KIAA1328: variants seen among roughly 807,000 people sequenced by gnomAD.
KIAA1328 encodes the protein protein hinderin.
Under a neutral mutation model 68.1 loss-of-function variants are expected in KIAA1328, and 52 were observed. The ratio of observed to expected loss-of-function variants is 0.76; its 90% confidence interval spans 0.61 to 0.96. The LOEUF (loss-of-function observed/expected upper bound fraction) is 0.96, where lower values mean the gene tolerates loss of function less well. KIAA1328 is among the 40% of genes least tolerant of loss of function. The pLI is 0.00. For synonymous variants in KIAA1328, 232 were observed against 239.4 expected (o/e 0.97, Z 0.28); for missense variants, 641 against 677.6 (o/e 0.95, Z 0.60).
intron 1 of KIAA1328, among the ~76,000 whole-genome samples, chr18:36,833,893 T>G (rs150319136): frequency 6.6e-6 from 1 of 152,302 alleles, no homozygotes; most frequent in African/African-American, 2.4e-5. Flanking sequence ...AAAGCTAAAG[T>G]CTATCTTGAA....
At chr18:37,029,589 T>C (rs766892591) in intron 6 of KIAA1328, among the ~76,000 whole-genome samples, 4 of 152,102 alleles carry the variant, frequency 2.6e-5, no homozygotes, top group Non-Finnish European at 4.4e-5. Context: ...CGTGTCAAGT[T>C]TTTTGAGAAT....
chr18:37,227,658 A>G (rs995649443), downstream of KIAA1328, among the ~76,000 whole-genome samples: 1 of 152,224 alleles, frequency 6.6e-6, no homozygotes, highest in Non-Finnish European at 1.5e-5. Context: ...CTGCTCAGAG[A>G]AAAAGATTTC....
intron 4 of KIAA1328, among the ~76,000 whole-genome samples, chr18:36,857,022 C>G (rs1188845256): frequency 6.6e-6 from 1 of 152,168 alleles, no homozygotes; most frequent in Non-Finnish European, 1.5e-5. Flanking sequence ...TAGATTGGCT[C>G]TAATCTGATG....
intron 5 of KIAA1328, among the ~76,000 whole-genome samples, chr18:36,941,690 T>G (rs2050719505): frequency 6.6e-6 from 1 of 152,162 alleles, no homozygotes; most frequent in Non-Finnish European, 1.5e-5. Flanking sequence ...ATAAAACACA[T>G]TTTTTAAAAT....
intron 6 of KIAA1328, among the ~76,000 whole-genome samples, chr18:37,020,149 A>G (rs1399190319): frequency 6.6e-6 from 1 of 151,914 alleles, no homozygotes; most frequent in East Asian, 1.9e-4. Context: ...TTGGAGACAG[A>G]GTCTCACCCT....
intron 5 of KIAA1328, among the ~76,000 whole-genome samples, chr18:36,937,969 C>A (rs1486697318): frequency 1.3e-5 from 2 of 151,978 alleles, no homozygotes; most frequent in African/African-American, 2.4e-5. Flanking sequence ...GATCAATATT[C>A]CATTCTGTAT....
Position 36,960,514 on chromosome 18 carries a change from C to T in KIAA1328, c.576+1079C>T, listed in dbSNP as rs1162451246. ...GACAGACTGCCTCCTCAAGTGGATC[C>T]CTGACCACTGTGTAGCCTGACTGGG... is the stretch of plus-strand genomic sequence containing the variant. On this transcript the variant is annotated intron_variant, in intron 6 of 9. Transcript: ENST00000280020. 3.3e-5 allele frequency among the ~76,000 whole-genome samples: 5 copies of T among 152,178 alleles called. No individual in the cohort carries two copies. In the East Asian group the frequency reaches 9.7e-4, roughly 29 times the overall value.
chr18:37,167,645 C>T (rs556904972), intron 8 of KIAA1328, among the ~76,000 whole-genome samples: 4 of 152,136 alleles, frequency 2.6e-5, no homozygotes, highest in Non-Finnish European at 4.4e-5. Context: ...TGCTTGTGTG[C>T]TCTTCTGCCG....
chr18:37,119,218 G>A lies in KIAA1328; in HGVS notation c.1233-40982G>A, dbSNP rs1205028440. Among the ~76,000 whole-genome samples the A allele has an allele frequency of 2.6e-5, 4 of 152,172 alleles. No individual in the cohort carries two copies. In the East Asian group the frequency reaches 7.7e-4, roughly 29 times the overall value. The stretch of plus-strand genomic sequence containing the variant: ...AATGTCTCTTTCAGTGATAGCTACA[G>A]CCTATCAGTTTGAAAATAAAATAAA... On this transcript the variant is annotated intron_variant, in intron 7 of 9. Transcript: ENST00000280020.
chr18:36,959,818 A>G (rs1205721172), intron 6 of KIAA1328, among the ~76,000 whole-genome samples: 2 of 152,216 alleles, frequency 1.3e-5, no homozygotes, highest in Non-Finnish European at 2.9e-5. Context: ...TAGAATAATG[A>G]AAGTTAATTG....
At chr18:37,075,869 C>A (rs140187868) in intron 7 of KIAA1328, among the ~76,000 whole-genome samples, 1 of 152,160 alleles carries the variant, frequency 6.6e-6, no homozygotes, top group African/African-American at 2.4e-5. Context: ...CTTAGACTCC[C>A]ACAGAATAAT....
chr18:37,112,979 A>G (rs1198301043), intron 7 of KIAA1328, among the ~76,000 whole-genome samples: 1 of 152,202 alleles, frequency 6.6e-6, no homozygotes, highest in East Asian at 1.9e-4. Flanking sequence ...AAAAGAAATG[A>G]AAAAAGCCTC....
intron 7 of KIAA1328, among the ~76,000 whole-genome samples, chr18:37,107,181 G>C (rs965083314): frequency 6.6e-6 from 1 of 152,188 alleles, no homozygotes; most frequent in Admixed American, 6.5e-5. Context: ...AGAGGCTGAA[G>C]TGGGCCGGGG....
At chr18:37,071,057 C>CTTTTTT (rs58722044) in intron 7 of KIAA1328, among the ~76,000 whole-genome samples, 4 of 86,846 alleles carry the variant, frequency 4.6e-5, no homozygotes, top group Non-Finnish European at 6.8e-5. Context: ...TTTTTTCTTC[C>CTTTTTT]TTTTTTTTTT....
chr18:36,970,853 A>T (rs2052171483), intron 6 of KIAA1328, among the ~76,000 whole-genome samples: 1 of 152,242 alleles, frequency 6.6e-6, no homozygotes, highest in Non-Finnish European at 1.5e-5. Context: ...AAGAATCAAT[A>T]TCATGAAAAT....
intron 6 of KIAA1328, among the ~76,000 whole-genome samples, chr18:37,027,616 G>A (rs1477642477): frequency 6.6e-6 from 1 of 152,198 alleles, no homozygotes; most frequent in Non-Finnish European, 1.5e-5. Flanking sequence ...AAGAAATGGG[G>A]AAAGGATTCC....
In KIAA1328 at chr18:37,096,579, T is replaced by C. The variant is rs1176996593; in HGVS notation, c.1232+29034T>C. ...TTATAGCAGCATGATTTATAATCCT[T>C]TGGGTATATACCCAGTAATGGGATT... On this transcript the variant is annotated intron_variant, in intron 7 of 9. Coordinates refer to ENST00000280020, the MANE Select transcript of KIAA1328 (RefSeq NM_020776.3). 1.3e-5 allele frequency among the ~76,000 whole-genome samples: 2 copies of C among 152,208 alleles called. 1 individual carries two copies. The highest frequency in any genetic ancestry group is 3.8e-4 in the East Asian group (2 of 5,196).
intron 6 of KIAA1328, among the ~76,000 whole-genome samples, chr18:37,013,501 C>G (rs2054046645): frequency 6.6e-6 from 1 of 152,094 alleles, no homozygotes; most frequent in Non-Finnish European, 1.5e-5. Flanking sequence ...CCATCCCCCT[C>G]ACTCCCCACA....
intron 6 of KIAA1328, among the ~76,000 whole-genome samples, chr18:36,993,677 A>T (rs751172180): frequency 9.9e-5 from 15 of 152,184 alleles, no homozygotes; most frequent in Non-Finnish European, 2.1e-4. Context: ...ACTTTAAAGG[A>T]TGTAGTATAA....
Sources: allele counts gnomAD v4.1 joint callset (sites outside exome capture counted in the v4.1 genomes callset), GRCh38; gene constraint gnomAD v4.1.1; transcripts MANE v1.5; gene names NCBI Gene and HGNC (gene_info 2026-07-23, HGNC 2026-07-21).